Variants in SH3RF3 observed in about 807,000 individuals in gnomAD.
SH3RF3 encodes the protein E3 ubiquitin-protein ligase SH3RF3.
In SH3RF3, 29 loss-of-function variants were observed where a neutral mutation model predicts 66.3. The observed-to-expected ratio is 0.44, with a 90% CI of 0.33 to 0.60. The LOEUF (loss-of-function observed/expected upper bound fraction) is 0.60, where lower values mean the gene tolerates loss of function less well. Among genes scored for constraint, SH3RF3 ranks in the 20% least tolerant of loss-of-function variants. SH3RF3 has a pLI of 0.04. For synonymous variants in SH3RF3, 583 were observed against 532.0 expected (o/e 1.10, Z -1.32); for missense variants, 1,194 against 1,190.9 (o/e 1.00, Z -0.04).
At chr2:109,307,772 C>T (rs1574563936) in intron 1 of SH3RF3, among the ~76,000 whole-genome samples, 2 of 148,478 alleles carry the variant, frequency 1.3e-5, no homozygotes, top group African/African-American at 2.5e-5. Flanking sequence ...TTTATGGCTG[C>T]ATAGTACTCC....
intron 1 of SH3RF3, among the ~76,000 whole-genome samples, chr2:109,264,096 G>T (rs1463357649): frequency 1.3e-5 from 2 of 152,216 alleles, no homozygotes; most frequent in Non-Finnish European, 2.9e-5. Context: ...ACAGATCTCA[G>T]TCTGTGGGTG....
At chr2:109,400,360 C>T (rs1676273344) in intron 4 of SH3RF3, among the ~76,000 whole-genome samples, 1 of 152,004 alleles carries the variant, frequency 6.6e-6, no homozygotes, top group Non-Finnish European at 1.5e-5. Context: ...ACATACACCG[C>T]CATCCACATG....
At chr2:109,392,263 T>C (rs988702476) in intron 3 of SH3RF3, among the ~76,000 whole-genome samples, 1 of 152,208 alleles carries the variant, frequency 6.6e-6, no homozygotes, top group African/African-American at 2.4e-5. Context: ...CTCCTCGTAC[T>C]CTGCAGTGAC....
chr2:109,140,658 G>A (rs750821737), intron 1 of SH3RF3, among the ~76,000 whole-genome samples: 6 of 152,172 alleles, frequency 3.9e-5, no homozygotes, highest in Non-Finnish European at 7.3e-5. Flanking sequence ...TGGGATTACA[G>A]GCGTGAGCCA....
At chr2:109,225,312 G>C (rs533830780) in intron 1 of SH3RF3, among the ~76,000 whole-genome samples, 5 of 152,346 alleles carry the variant, frequency 3.3e-5, no homozygotes, top group African/African-American at 9.6e-5. Context: ...ATTGTACTCA[G>C]CTGGGTGGAG....
At chr2:109,162,780 T>C (rs1677519048) in intron 1 of SH3RF3, among the ~76,000 whole-genome samples, 1 of 152,266 alleles carries the variant, frequency 6.6e-6, no homozygotes, top group African/African-American at 2.4e-5. Context: ...TTTCTAGTTC[T>C]AGATCCCCGA....
chr2:109,188,448 A>T (rs1399572298), intron 1 of SH3RF3, among the ~76,000 whole-genome samples: 1 of 152,172 alleles, frequency 6.6e-6, no homozygotes, highest in Non-Finnish European at 1.5e-5. Context: ...ACAGGTGTGG[A>T]TGAAGCATGC....
intron 8 of SH3RF3, among the ~76,000 whole-genome samples, chr2:109,462,821 A>C (rs1678240764): frequency 6.6e-6 from 1 of 152,162 alleles, no homozygotes; most frequent in African/African-American, 2.4e-5. Flanking sequence ...ACATGAGATA[A>C]AACTCCACTG....
chr2:109,231,840 A>G (rs1285363659), intron 1 of SH3RF3, among the ~76,000 whole-genome samples: 1 of 152,210 alleles, frequency 6.6e-6, no homozygotes, highest in Non-Finnish European at 1.5e-5. Context: ...TGGATTAGAT[A>G]TTTGCCATTA....
chr2:109,412,348 G>T (rs1676614479), intron 4 of SH3RF3, among the ~76,000 whole-genome samples: 1 of 152,212 alleles, frequency 6.6e-6, no homozygotes, highest in Admixed American at 6.5e-5. Context: ...GCTTCAGGCA[G>T]GCCACCCTCC....
At chr2:109,430,921 C>G (rs1677192289) in intron 5 of SH3RF3, among the ~76,000 whole-genome samples, 1 of 152,152 alleles carries the variant, frequency 6.6e-6, no homozygotes, top group Non-Finnish European at 1.5e-5. Context: ...TGAGGGACAC[C>G]TATCAACAAA....
intron 4 of SH3RF3, among the ~76,000 whole-genome samples, chr2:109,418,994 A>G (rs554981643): frequency 1.3e-5 from 2 of 152,136 alleles, no homozygotes; most frequent in Non-Finnish European, 1.5e-5. Flanking sequence ...TCCTCGGGTC[A>G]TCTCCTTGCT....
chr2:109,268,039 G>A (rs529268531), intron 1 of SH3RF3, among the ~76,000 whole-genome samples: 12 of 151,876 alleles, frequency 7.9e-5, no homozygotes, highest in Non-Finnish European at 1.5e-4. Context: ...CAGTCCTTGT[G>A]GGTGAGGGGG....
At chr2:109,463,360 C>G (rs543757432) in intron 8 of SH3RF3, among the ~76,000 whole-genome samples, 4 of 152,222 alleles carry the variant, frequency 2.6e-5, no homozygotes, top group Non-Finnish European at 5.9e-5. Context: ...TTATGTGCCA[C>G]CATGTGGGCC....
chr2:109,211,214 A>AAAAGG (rs1348453802), intron 1 of SH3RF3, among the ~76,000 whole-genome samples: 1 of 152,206 alleles, frequency 6.6e-6, no homozygotes, highest in Non-Finnish European at 1.5e-5. Flanking sequence ...TGGCTGGGAT[A>AAAAGG]AAAGGCAAGG....
chr2:109,238,033 C>T (rs1388033568), intron 1 of SH3RF3, among the ~76,000 whole-genome samples: 7 of 152,040 alleles, frequency 4.6e-5, no homozygotes, highest in Admixed American at 1.3e-4. Context: ...TGATGAGGCC[C>T]CATCTCTACA....
chr2:109,484,212 G>A (rs1011391052), intron 8 of SH3RF3, among the ~76,000 whole-genome samples: 4 of 152,070 alleles, frequency 2.6e-5, no homozygotes, highest in Admixed American at 6.6e-5. Flanking sequence ...GATTACAGGC[G>A]CTTGCCACCA....
chr2:109,372,560 C>T (rs1683296997), intron 3 of SH3RF3, among the ~76,000 whole-genome samples: 1 of 152,212 alleles, frequency 6.6e-6, no homozygotes, highest in African/African-American at 2.4e-5. Flanking sequence ...ATATGAAAAC[C>T]ATGAATGGCC....
chr2:109,496,961 A>C (rs1403239743), intron 9 of SH3RF3, among the ~76,000 whole-genome samples: 1 of 152,170 alleles, frequency 6.6e-6, no homozygotes, highest in African/African-American at 2.4e-5. Flanking sequence ...AAGATGGAGG[A>C]AGAAGCCTCC....
Sources: gnomAD v4.1 joint callset for allele counts (sites outside exome capture counted in the v4.1 genomes callset) on GRCh38, gnomAD v4.1.1 for gene constraint, MANE v1.5 for transcripts, NCBI Gene and HGNC (gene_info 2026-07-23, HGNC 2026-07-21) for gene names.